Variants in ZFPM2 observed in about 807,000 individuals in gnomAD.
ZFPM2 encodes the protein zinc finger protein ZFPM2.
Under a neutral mutation model 98.6 loss-of-function variants are expected in ZFPM2, and 20 were observed. The ratio of observed to expected loss-of-function variants is 0.20; its 90% CI spans 0.14 to 0.29. ZFPM2 has a LOEUF of 0.29. Ranked by LOEUF, ZFPM2 falls within the 10% of genes least tolerant of loss-of-function variation. The pLI is 1.00. For missense variants in ZFPM2, 1,310 were observed against 1,388.6 expected, an observed-to-expected ratio of 0.94 and a Z score of 0.90; for synonymous variants, 518 against 502.7, an observed-to-expected ratio of 1.03 and a Z score of -0.41.
At chr8:105,341,522 G>A (rs1812431519) in intron 1 of ZFPM2, among the ~76,000 whole-genome samples, 1 of 151,836 alleles carries the variant, frequency 6.6e-6, no homozygotes, top group Non-Finnish European at 1.5e-5. Flanking sequence ...CAGTATGTAT[G>A]TTACTGTAAT....
At position 105,515,241 on chromosome 8, in the gene ZFPM2, G is replaced by C. The variant is rs1303712000; in HGVS notation, c.302-46122G>C. ...TTAAGATAAAGTTTTAGTAAATTCA[G>C]ATTTTTCTCATGCAAATATTGCTTG... On this transcript the variant is annotated intron_variant, in intron 3 of 7. Transcript: ENST00000407775. Among the ~76,000 whole-genome samples, 4 of 152,190 alleles carry C rather than the reference G, an allele frequency of 2.6e-5. No individual in the cohort carries two copies. The South Asian group carries it at 8.3e-4, about 31-fold the overall frequency.
chr8:105,380,705 A>ATATATATTATATATAACATATATAT (rs1563630983), intron 1 of ZFPM2, among the ~76,000 whole-genome samples: 316 of 15,990 alleles, frequency 0.02, 28 homozygotes, highest in Non-Finnish European at 0.027. Flanking sequence ...AACATATATA[A>ATATATATTATATATAACATATATAT]TATATATATA....
intron 3 of ZFPM2, among the ~76,000 whole-genome samples, chr8:105,502,483 A>C (rs1239568259): frequency 7.2e-5 from 11 of 152,190 alleles, no homozygotes; most frequent in Admixed American, 7.2e-4. Context: ...TCCCTAAAAA[A>C]GAAAAGAAGG....
At chr8:105,636,035 G>T (rs182868431) in intron 5 of ZFPM2, among the ~76,000 whole-genome samples, 42 of 152,038 alleles carry the variant, frequency 2.8e-4, no homozygotes, top group Admixed American at 2.0e-3. Flanking sequence ...ATAACCTAAT[G>T]GTAATTCTAT....
intron 5 of ZFPM2, among the ~76,000 whole-genome samples, chr8:105,712,733 G>C (rs1289744180): frequency 6.6e-6 from 1 of 152,072 alleles, no homozygotes; most frequent in East Asian, 1.9e-4. Context: ...GGAGTCCCCA[G>C]TGTCTTTGGT....
chr8:105,799,803 G>T (rs1023413598), intron 7 of ZFPM2, among the ~76,000 whole-genome samples: 2 of 152,130 alleles, frequency 1.3e-5, no homozygotes, highest in Non-Finnish European at 2.9e-5. Context: ...ACACCTCTGG[G>T]TGACTTTCTT....
intron 2 of ZFPM2, among the ~76,000 whole-genome samples, chr8:105,436,057 AG>A (rs1812112993): frequency 1.3e-5 from 2 of 152,220 alleles, no homozygotes; most frequent in African/African-American, 4.8e-5. Context: ...TATTGCAGTA[AG>A]TTATGGTAAA....
intron 1 of ZFPM2, among the ~76,000 whole-genome samples, chr8:105,372,477 A>T (rs1379828496): frequency 1.3e-5 from 2 of 152,210 alleles, no homozygotes; most frequent in African/African-American, 4.8e-5. Context: ...ATACAAAATA[A>T]ATTGTAGAAA....
intron 4 of ZFPM2, among the ~76,000 whole-genome samples, chr8:105,582,257 T>G (rs1032088082): frequency 6.6e-6 from 1 of 152,212 alleles, no homozygotes; most frequent in African/African-American, 2.4e-5. Context: ...GAAGTCAGAA[T>G]AATGAGTTTG....
chr8:105,682,222 A>G (rs780129729), intron 5 of ZFPM2, among the ~76,000 whole-genome samples: 1 of 152,158 alleles, frequency 6.6e-6, no homozygotes, highest in Non-Finnish European at 1.5e-5. Context: ...AAGGGAACCA[A>G]TTGGTGGAGG....
chr8:105,322,183 G>A (rs1812039017), intron 1 of ZFPM2, among the ~76,000 whole-genome samples: 1 of 151,996 alleles, frequency 6.6e-6, no homozygotes, highest in Admixed American at 6.6e-5. Context: ...GTTGTTTTTA[G>A]CCTTATCACC....
chr8:105,441,497 AG>A (rs1812248952), intron 2 of ZFPM2, among the ~76,000 whole-genome samples: 4 of 131,436 alleles, frequency 3.0e-5, no homozygotes, highest in African/African-American at 3.2e-5. Context: ...AAAGAAAGAA[AG>A]AAATCAAAGC....
chr8:105,393,381 T>TCTTTC (rs1554600713), intron 1 of ZFPM2, among the ~76,000 whole-genome samples: 8,575 of 130,640 alleles, frequency 0.066, 479 homozygotes, highest in Admixed American at 0.089. Flanking sequence ...TTTCTTTCTT[T>TCTTTC]CTTTCTTTCT....
intron 1 of ZFPM2, among the ~76,000 whole-genome samples, chr8:105,343,290 G>C (rs1812462457): frequency 6.6e-6 from 1 of 152,082 alleles, no homozygotes; most frequent in African/African-American, 2.4e-5. Context: ...TTCAACAATT[G>C]ACAGGAGTCC....
At chr8:105,735,568 T>C (rs752818118) in intron 5 of ZFPM2, among the ~76,000 whole-genome samples, 52 of 151,956 alleles carry the variant, frequency 3.4e-4, no homozygotes, top group Non-Finnish European at 5.9e-4. Flanking sequence ...ATATAAAATA[T>C]TGTGATTTTA....
At position 105,553,567 on chromosome 8, in the gene ZFPM2, A is replaced by G. The variant is rs1387114033; in HGVS notation, c.302-7796A>G. On this transcript the variant is annotated intron_variant, in intron 3 of 7. Transcript: ENST00000407775. The stretch of plus-strand genomic sequence containing the variant: ...CCACCACCATTATGTTATCTTTTCC[A>G]GTGCAATTACAAGCTAATTCAGTGC... 2.6e-5 allele frequency among the ~76,000 whole-genome samples: 4 copies of G among 152,282 alleles called. No individual in the cohort carries two copies. The East Asian group carries it at 7.8e-4, about 30-fold the overall frequency.
chr8:105,463,758 T>C (rs1211286921), intron 3 of ZFPM2, among the ~76,000 whole-genome samples: 3 of 151,994 alleles, frequency 2.0e-5, no homozygotes, highest in Non-Finnish European at 4.4e-5. Context: ...CATTTTTTTT[T>C]CCCAAAAAGG....
At chr8:105,445,943 CAG>C (rs1308065235) in intron 3 of ZFPM2, among the ~76,000 whole-genome samples, 4 of 150,586 alleles carry the variant, frequency 2.7e-5, no homozygotes, top group African/African-American at 9.8e-5. Flanking sequence ...TTTTTTGAGA[CAG>C]AGTCTCACTC....
chr8:105,403,050 A>C (rs1219437563), intron 1 of ZFPM2, among the ~76,000 whole-genome samples: 1 of 151,512 alleles, frequency 6.6e-6, no homozygotes, highest in African/African-American at 2.4e-5. Flanking sequence ...GCTAGTTTTG[A>C]GTTTAGAAAG....
Sources: allele counts gnomAD v4.1 joint callset (sites outside exome capture counted in the v4.1 genomes callset), GRCh38; gene constraint gnomAD v4.1.1; transcripts MANE v1.5; gene names NCBI Gene and HGNC (gene_info 2026-07-23, HGNC 2026-07-21).